Variants in PLOD2 observed in about 807,000 individuals in gnomAD.
The protein encoded by PLOD2 is procollagen-lysine,2-oxoglutarate 5-dioxygenase 2, also known as lysine hydroxylase 2.
Under a neutral mutation model 101.0 loss-of-function variants are expected in PLOD2, and 65 were observed. The observed-to-expected ratio is 0.64, with a 90% CI of 0.53 to 0.79. PLOD2 has a LOEUF of 0.79. PLOD2 is among the 30% of genes least tolerant of loss of function. The pLI is 0.00. For missense variants in PLOD2, 909 were observed against 914.6 expected, an observed-to-expected ratio of 0.99 and a Z score of 0.08; for synonymous variants, 314 against 302.9, an observed-to-expected ratio of 1.04 and a Z score of -0.38.
At chr3:146,143,473 C>A (rs915201453) in intron 1 of PLOD2, among the ~76,000 whole-genome samples, 1 of 152,040 alleles carries the variant, frequency 6.6e-6, no homozygotes. Flanking sequence ...ATTACAGGAT[C>A]CAGCCTCTCC....
chr3:146,132,953 C>T (rs867373178), intron 1 of PLOD2, among the ~76,000 whole-genome samples: 7 of 152,026 alleles, frequency 4.6e-5, no homozygotes, highest in African/African-American at 1.2e-4. Context: ...CCAAGGTGGG[C>T]GGATCATGAG....
In PLOD2 at chr3:146,160,933, G is replaced by T; in HGVS notation, c.57C>A (p.Pro19=). 6.2e-7 allele frequency: 1 copy of T among 1,600,976 alleles called. No homozygotes were observed. ...QLLLLALVLH[P]WNPCLGADSE... ...AGTCCGCACCCAGACAGGGATTCCA[G>T]GGGTGGAGGACGAGCGCCAGGAGCA... is the stretch of plus-strand genomic sequence containing the variant. Residue 19 remains proline, a synonymous_variant, in exon 1 of 20, where the codon CCC becomes CCA. Coordinates refer to ENST00000282903, the MANE Select transcript of PLOD2 (RefSeq NM_182943.3).
intron 1 of PLOD2, among the ~76,000 whole-genome samples, chr3:146,142,431 T>G (rs898289953): frequency 2.0e-5 from 3 of 152,118 alleles, no homozygotes; most frequent in Non-Finnish European, 2.9e-5. Flanking sequence ...TGCCTATTCA[T>G]TCTCAGTCTG....
intron 1 of PLOD2, among the ~76,000 whole-genome samples, chr3:146,144,389 T>C (rs2031672338): frequency 6.6e-6 from 1 of 152,126 alleles, no homozygotes; most frequent in Admixed American, 6.6e-5. Context: ...TTTTGAAAAG[T>C]AATGCTTGCC....
At chr3:146,071,490 T>A (rs1936133689) in intron 17 of PLOD2, 67 bp from the exon 18 acceptor site, 1 of 1,469,274 alleles carries the variant, frequency 6.8e-7, no homozygotes, top group South Asian at 1.1e-5. Flanking sequence ...ATTATAGTAT[T>A]TTTTTTCAAC....
intron 2 of PLOD2, among the ~76,000 whole-genome samples, chr3:146,123,076 A>C (rs897368867): frequency 6.6e-6 from 1 of 152,044 alleles, no homozygotes; most frequent in African/African-American, 2.4e-5. Flanking sequence ...AGCAAAGTTT[A>C]GCTGTTTATT....
intron 1 of PLOD2, among the ~76,000 whole-genome samples, chr3:146,143,470 G>A (rs2031626726): frequency 1.3e-5 from 2 of 151,882 alleles, no homozygotes; most frequent in Admixed American, 1.3e-4. Context: ...AGCATTACAG[G>A]ATCCAGCCTC....
chr3:146,100,330 C>T (rs1306803209), intron 7 of PLOD2, among the ~76,000 whole-genome samples: 1 of 152,004 alleles, frequency 6.6e-6, no homozygotes, highest in Non-Finnish European at 1.5e-5. Context: ...TGTGCTGGAC[C>T]CTGGGGAAAC....
At chr3:146,089,786 C>T (rs1936914114) in intron 8 of PLOD2, among the ~76,000 whole-genome samples, 1 of 151,480 alleles carries the variant, frequency 6.6e-6, no homozygotes, top group Non-Finnish European at 1.5e-5. Flanking sequence ...TCCAGTAGTT[C>T]TCAATTTAAT....
intron 7 of PLOD2, among the ~76,000 whole-genome samples, chr3:146,098,102 G>A (rs539436983): frequency 3.2e-4 from 48 of 152,212 alleles, no homozygotes; most frequent in Admixed American, 9.2e-4. Context: ...CATAATGCAT[G>A]CAGAGTTAAA....
At chr3:146,132,770 T>C (rs1046127925) in intron 1 of PLOD2, among the ~76,000 whole-genome samples, 1 of 152,188 alleles carries the variant, frequency 6.6e-6, no homozygotes, top group African/African-American at 2.4e-5. Flanking sequence ...CAAAATGCTA[T>C]GAAAGCTTCA....
chr3:146,085,604 C>T, intron 10 of PLOD2: 1 of 318,564 alleles, frequency 3.1e-6, no homozygotes, highest in Non-Finnish European at 5.7e-6. Context: ...CACACAAATG[C>T]AACTTACATA....
At position 146,073,215 on chromosome 3, in the gene PLOD2, A is replaced by C. The variant is rs1276346310; in HGVS notation, c.1743+72T>G. On this transcript the variant is annotated intron_variant, in intron 16 of 19. Transcript: ENST00000282903. ...TCTCCACTTTCACATCTTCTGTGAA[A>C]GTAGTATTAATAATATTTCTTCTGG... The C allele has an allele frequency of 4.8e-6, 3 of 621,036 alleles. No homozygotes were observed. The East Asian group carries it at 8.7e-5, about 18-fold the overall frequency. The allele number at this position is 621,036 out of a possible 1,614,324, so 38.5% of individuals were successfully genotyped here.
chr3:146,126,596 G>T (rs184296427), intron 1 of PLOD2, among the ~76,000 whole-genome samples: 1 of 152,180 alleles, frequency 6.6e-6, no homozygotes, highest in East Asian at 1.9e-4. Flanking sequence ...TAGGACAAAT[G>T]ATTTATGTAA....
At chr3:146,124,441 T>G (rs933390511) in intron 1 of PLOD2, among the ~76,000 whole-genome samples, 1 of 152,094 alleles carries the variant, frequency 6.6e-6, no homozygotes, top group African/African-American at 2.4e-5. Flanking sequence ...GACAATTATT[T>G]CAACGCAAAA....
chr3:146,096,894 C>A (rs1340011454), intron 7 of PLOD2, among the ~76,000 whole-genome samples: 1 of 101,726 alleles, frequency 9.8e-6, no homozygotes, highest in Non-Finnish European at 2.0e-5. Context: ...GGGGGGGAGT[C>A]GGCCAGCCGC....
At chr3:146,082,780 A>T (rs1214226779) in intron 11 of PLOD2, among the ~76,000 whole-genome samples, 1 of 152,124 alleles carries the variant, frequency 6.6e-6, no homozygotes, top group Non-Finnish European at 1.5e-5. Flanking sequence ...CTATAATCCC[A>T]GCTAATCAAG....
intron 7 of PLOD2, among the ~76,000 whole-genome samples, chr3:146,102,494 C>T (rs1937418573): frequency 6.6e-6 from 1 of 152,050 alleles, no homozygotes; most frequent in African/African-American, 2.4e-5. Flanking sequence ...GGCTCACTCC[C>T]AAGTTAGTTG....
intron 12 of PLOD2, among the ~76,000 whole-genome samples, chr3:146,079,538 T>C (rs1054954687): frequency 6.6e-6 from 1 of 152,004 alleles, no homozygotes; most frequent in Non-Finnish European, 1.5e-5. Context: ...AATCAGTTGT[T>C]ACAATTAGAC....
Sources: gnomAD v4.1 joint callset for allele counts (sites outside exome capture counted in the v4.1 genomes callset) on GRCh38, gnomAD v4.1.1 for gene constraint, MANE v1.5 for transcripts, NCBI Gene and HGNC (gene_info 2026-07-23, HGNC 2026-07-21) for gene names.